GABRA2: variants seen among roughly 807,000 people sequenced by gnomAD.
GABRA2 encodes the protein gamma-aminobutyric acid receptor subunit alpha-2.
A neutral mutation model predicts 48.7 loss-of-function variants in GABRA2; 16 were observed. That is an observed-to-expected ratio of 0.33 (90% confidence interval 0.22 to 0.50). The LOEUF is 0.50. GABRA2 is among the 20% of genes least tolerant of loss of function. The pLI, the probability that GABRA2 is intolerant of heterozygous loss-of-function variation, is 0.98. For synonymous variants in GABRA2, 185 were observed against 184.5 expected, an observed-to-expected ratio of 1.00 and a Z score of -0.02; for missense variants, 275 against 535.6, an observed-to-expected ratio of 0.51 and a Z score of 4.80.
At chr4:46,339,390 A>G (rs778304046) in intron 3 of GABRA2, among the ~76,000 whole-genome samples, 1 of 151,824 alleles carries the variant, frequency 6.6e-6, no homozygotes, top group African/African-American at 2.4e-5. Flanking sequence ...GTTAAGTTCC[A>G]TGAAGACTGG....
At chr4:46,294,907 C>T (rs1210440514) in intron 8 of GABRA2, among the ~76,000 whole-genome samples, 1 of 152,174 alleles carries the variant, frequency 6.6e-6, no homozygotes, top group Non-Finnish European at 1.5e-5. Context: ...AGCACTCGAT[C>T]ATCAAATGGA....
At chr4:46,308,500 A>G (rs1577994405) in intron 6 of GABRA2, among the ~76,000 whole-genome samples, 2 of 152,184 alleles carry the variant, frequency 1.3e-5, no homozygotes, top group Non-Finnish European at 2.9e-5. Flanking sequence ...CTTGGCTTGT[A>G]TATTACTCCA....
intron 4 of GABRA2, among the ~76,000 whole-genome samples, chr4:46,323,643 G>A (rs1329000416): frequency 6.6e-6 from 1 of 151,434 alleles, no homozygotes. Context: ...GAAATGTACA[G>A]ACACAAGTTA....
At chr4:46,266,606 T>C (rs1718284422) in intron 8 of GABRA2, among the ~76,000 whole-genome samples, 2 of 151,658 alleles carry the variant, frequency 1.3e-5, no homozygotes, top group South Asian at 4.1e-4. Flanking sequence ...TATATCCAGT[T>C]GTGATTTCTT....
chr4:46,377,103 A>T (rs1270422212), intron 3 of GABRA2, among the ~76,000 whole-genome samples: 1 of 151,922 alleles, frequency 6.6e-6, no homozygotes, highest in Non-Finnish European at 1.5e-5. Context: ...ACCTCCCAGC[A>T]GCCTGCCTTG....
intron 8 of GABRA2, among the ~76,000 whole-genome samples, chr4:46,300,648 A>T (rs1446798412): frequency 6.6e-6 from 1 of 152,032 alleles, no homozygotes; most frequent in African/African-American, 2.4e-5. Context: ...AACTCAAACT[A>T]CAATCAGTTT....
intron 8 of GABRA2, among the ~76,000 whole-genome samples, chr4:46,269,916 A>C (rs1218513331): frequency 6.6e-6 from 1 of 151,962 alleles, no homozygotes; most frequent in African/African-American, 2.4e-5. Flanking sequence ...AATTTAAAGC[A>C]GGGATACTTG....
chr4:46,277,957 T>A (rs1279823607), intron 8 of GABRA2, among the ~76,000 whole-genome samples: 4 of 152,226 alleles, frequency 2.6e-5, no homozygotes, highest in African/African-American at 9.6e-5. Context: ...TTTGTGTATG[T>A]AATCTATATC....
chr4:46,246,926 C>T lies in GABRA2; in HGVS notation c.*3382G>A, dbSNP rs1056556276. On this transcript the variant is annotated 3_prime_UTR_variant, in exon 10 of 10. Coordinates refer to ENST00000381620, the MANE Select transcript of GABRA2 (RefSeq NM_000807.4). ...CATGCCAAAGAAAAGTACTTTGGTG[C>T]TCTTCTGGAATCCATGATTATATCA... 6.6e-6 allele frequency among the ~76,000 whole-genome samples: 1 copy of T among 151,038 alleles called. No homozygotes were observed. Among genetic ancestry groups the T allele is most frequent in the East Asian group, 2.0e-4 (1 of 5,104 alleles).
intron 4 of GABRA2, among the ~76,000 whole-genome samples, chr4:46,328,794 T>C (rs530417255): frequency 6.6e-6 from 1 of 152,190 alleles, no homozygotes; most frequent in East Asian, 1.9e-4. Context: ...CACGTCTCAT[T>C]GCTCAACCTA....
intron 9 of GABRA2, among the ~76,000 whole-genome samples, chr4:46,259,655 CA>C (rs1716558180): frequency 6.6e-6 from 1 of 151,732 alleles, no homozygotes; most frequent in Non-Finnish European, 1.5e-5. Context: ...TATGAATTTT[CA>C]AAGAACTTTT....
intron 3 of GABRA2, among the ~76,000 whole-genome samples, chr4:46,372,430 C>A (rs1207327274): frequency 6.6e-6 from 1 of 152,068 alleles, no homozygotes; most frequent in Non-Finnish European, 1.5e-5. Flanking sequence ...GCTGCAGTAG[C>A]CATCTTGGGA....
intron 3 of GABRA2, among the ~76,000 whole-genome samples, chr4:46,334,355 G>A (rs1731855702): frequency 6.6e-6 from 1 of 152,126 alleles, no homozygotes; most frequent in Non-Finnish European, 1.5e-5. Flanking sequence ...GTGTGGAAAT[G>A]AGACCCGACA....
At chr4:46,363,267 T>A (rs1713508476) in intron 3 of GABRA2, among the ~76,000 whole-genome samples, 1 of 151,660 alleles carries the variant, frequency 6.6e-6, no homozygotes, top group Non-Finnish European at 1.5e-5. Flanking sequence ...GTATTAAGAG[T>A]TAGTGGAGAC....
In GABRA2 at chr4:46,279,882, C is replaced by T. The variant is rs143289523; in HGVS notation, c.857-17754G>A. ...AATCTATAGTGGATTATAGTGGAAA[C>T]GGAAATTGCATTCCACTACTTATAG... is the stretch of plus-strand genomic sequence containing the variant. On this transcript the variant is annotated intron_variant, in intron 8 of 9. Transcript: ENST00000381620. 4.4e-3 allele frequency among the ~76,000 whole-genome samples: 666 copies of T among 151,986 alleles called. 5 individuals carry two copies. Among genetic ancestry groups the T allele is most frequent in the African/African-American group, 0.015 (608 of 41,482 alleles).
rs1713308399 is a variant in GABRA2 at position 46,244,329 on chromosome 4, G to A, written c.*5979C>T. 2 of 151,540 alleles carry A rather than the reference G, an allele frequency of 1.3e-5. No homozygotes were observed. Among genetic ancestry groups the A allele is most frequent in the Admixed American group, 1.3e-4 (2 of 15,140 alleles). 9.4% of individuals were successfully genotyped at this position (151,540 alleles called of 1,614,324 possible). A position where few individuals can be genotyped will look rare whatever the true frequency, so the allele number is the denominator to read the frequency against. ...TCTGCAACTAACTCTTGCTTTCTTAGCATCAGTTGTTTTTACAAATAAACT... is the reference window on the plus strand; with the variant it reads ...TCTGCAACTAACTCTTGCTTTCTTAACATCAGTTGTTTTTACAAATAAACT... On this transcript the variant is annotated 3_prime_UTR_variant, in exon 10 of 10. Transcript: ENST00000381620.
intron 7 of GABRA2, among the ~76,000 whole-genome samples, chr4:46,304,860 G>A (rs778293828): frequency 3.6e-4 from 53 of 147,324 alleles, no homozygotes; most frequent in Non-Finnish European, 6.4e-4. Flanking sequence ...AGGAAGTGGA[G>A]GTTGCAGTGA....
intron 9 of GABRA2, among the ~76,000 whole-genome samples, chr4:46,258,781 A>G (rs1472725677): frequency 2.0e-5 from 3 of 151,910 alleles, no homozygotes; most frequent in East Asian, 1.9e-4. Context: ...CAGTAAAAAA[A>G]TTTAATGGGG....
At chr4:46,371,657 C>T (rs969968741) in intron 3 of GABRA2, among the ~76,000 whole-genome samples, 2 of 152,042 alleles carry the variant, frequency 1.3e-5, no homozygotes, top group Admixed American at 1.3e-4. Context: ...AGAGAAATTG[C>T]ATTTAATATT....
Sources: gnomAD v4.1 joint callset for allele counts (sites outside exome capture counted in the v4.1 genomes callset) on GRCh38, gnomAD v4.1.1 for gene constraint, MANE v1.5 for transcripts, NCBI Gene and HGNC (gene_info 2026-07-23, HGNC 2026-07-21) for gene names.